The following AK5 variants were observed in gnomAD, a reference collection of about 807,000 sequenced individuals.
AK5 encodes adenylate kinase 5.
In AK5, 27 loss-of-function variants were observed where a neutral mutation model predicts 69.5. That is an observed-to-expected ratio of 0.39 (90% CI 0.29 to 0.54). The LOEUF (loss-of-function observed/expected upper bound fraction) is 0.54. Ranked by LOEUF, AK5 falls within the 20% of genes least tolerant of loss-of-function variation. AK5 has a pLI of 0.71. For missense variants in AK5, 531 were observed against 700.4 expected (o/e 0.76, Z 2.73); for synonymous variants, 260 against 244.4 (o/e 1.06, Z -0.60).
At chr1:77,408,926 C>T (rs1570520289) in intron 6 of AK5, among the ~76,000 whole-genome samples, 1 of 152,258 alleles carries the variant, frequency 6.6e-6, no homozygotes, top group East Asian at 1.9e-4. Context: ...TCTCCCCGCT[C>T]AAGTAAACCC....
At chr1:77,347,795 C>T (rs1380036388) in intron 6 of AK5, among the ~76,000 whole-genome samples, 14 of 152,262 alleles carry the variant, frequency 9.2e-5, no homozygotes, top group African/African-American at 3.4e-4. Context: ...AAGCAGATAC[C>T]ACATTTATAG....
intron 5 of AK5, 46 bp downstream of exon 5, chr1:77,297,993 A>C (rs1029700613): frequency 7.0e-7 from 1 of 1,421,708 alleles, no homozygotes; most frequent in Admixed American, 2.2e-5. Context: ...TTTTGCTTAA[A>C]ATTTTGGGAA....
intron 10 of AK5, among the ~76,000 whole-genome samples, chr1:77,499,533 G>T (rs574626355): frequency 1.3e-5 from 2 of 152,090 alleles, no homozygotes; most frequent in Admixed American, 6.6e-5. Flanking sequence ...GGCCAGTTGC[G>T]TATGACCCTG....
At position 77,410,974 on chromosome 1, in the gene AK5, C is replaced by G. The variant is rs749264167; in HGVS notation, c.892-7C>G. On this transcript the variant is annotated splice_polypyrimidine_tract_variant and splice_region_variant and intron_variant, in intron 6 of 13. Coordinates refer to ENST00000354567, the MANE Select transcript of AK5 (RefSeq NM_174858.3). The stretch of plus-strand genomic sequence containing the variant: ...ATTCCAAACTTGTCTGTCCTGATTT[C>G]CCCCAGTTTGATGCCGACCGCGATG... 1 of 1,611,954 alleles carries G rather than the reference C, an allele frequency of 6.2e-7. No individual in the cohort carries two copies. The highest frequency in any genetic ancestry group is 1.7e-5 in the Admixed American group (1 of 59,712).
intron 8 of AK5, among the ~76,000 whole-genome samples, chr1:77,456,117 A>G (rs974195833): frequency 1.3e-5 from 2 of 152,188 alleles, no homozygotes; most frequent in African/African-American, 4.8e-5. Context: ...CTCTAAGGCA[A>G]TGTCTGTTTG....
chr1:77,336,792 A>G (rs993987929), intron 5 of AK5, among the ~76,000 whole-genome samples: 1 of 152,126 alleles, frequency 6.6e-6, no homozygotes, highest in African/African-American at 2.4e-5. Flanking sequence ...TTGTCTGGGA[A>G]AGTCTTTATT....
intron 8 of AK5, among the ~76,000 whole-genome samples, chr1:77,472,507 T>C (rs1654576644): frequency 6.6e-6 from 1 of 151,818 alleles, no homozygotes; most frequent in South Asian, 2.1e-4. Context: ...ATACCCATAA[T>C]GCAAGGGAGG....
At chr1:77,368,245 A>ATATATATATATATATATGTTATATATAG (rs376578923) in intron 6 of AK5, among the ~76,000 whole-genome samples, 1 of 67,906 alleles carries the variant, frequency 1.5e-5, no homozygotes, top group Non-Finnish European at 2.9e-5. Flanking sequence ...ATATATATAT[A>ATATATATATATATATATGTTATATATAG]TATATATAAT....
intron 8 of AK5, among the ~76,000 whole-genome samples, chr1:77,469,898 G>A (rs1284936830): frequency 6.6e-6 from 1 of 152,208 alleles, no homozygotes; most frequent in Non-Finnish European, 1.5e-5. Flanking sequence ...TGGATGTGAG[G>A]ATCTACAAAG....
intron 6 of AK5, among the ~76,000 whole-genome samples, chr1:77,351,808 A>C (rs895523836): frequency 2.6e-5 from 4 of 152,220 alleles, no homozygotes; most frequent in African/African-American, 9.6e-5. Context: ...ATGTAGAAGA[A>C]GACAAAGGAG....
At chr1:77,552,953 C>T (rs1191444065) in intron 13 of AK5, among the ~76,000 whole-genome samples, 1 of 152,142 alleles carries the variant, frequency 6.6e-6, no homozygotes, top group African/African-American at 2.4e-5. Context: ...GGCAGGAGGA[C>T]TGCTTGAGCC....
chr1:77,374,161 G>C (rs973573404), intron 6 of AK5, among the ~76,000 whole-genome samples: 1 of 152,110 alleles, frequency 6.6e-6, no homozygotes, highest in African/African-American at 2.4e-5. Flanking sequence ...CAAAAACATA[G>C]AATTAAGTTT....
chr1:77,506,165 G>A (rs1440307036), intron 10 of AK5, among the ~76,000 whole-genome samples: 1 of 152,064 alleles, frequency 6.6e-6, no homozygotes, highest in Non-Finnish European at 1.5e-5. Context: ...TGATGAGCTG[G>A]GTCTGGAACA....
intron 8 of AK5, among the ~76,000 whole-genome samples, chr1:77,427,461 G>T (rs537019298): frequency 1.6e-4 from 25 of 152,054 alleles, no homozygotes; most frequent in Middle Eastern, 3.4e-3. Flanking sequence ...ATCTGAATAG[G>T]TATATATTAT....
intron 10 of AK5, among the ~76,000 whole-genome samples, chr1:77,511,983 C>T (rs1017867055): frequency 2.0e-5 from 3 of 152,118 alleles, no homozygotes; most frequent in Non-Finnish European, 2.9e-5. Flanking sequence ...ATCCAAATAA[C>T]GAACGCTCAG....
At chr1:77,556,087 T>G (rs777007392) in intron 13 of AK5, among the ~76,000 whole-genome samples, 2 of 152,244 alleles carry the variant, frequency 1.3e-5, no homozygotes, top group African/African-American at 4.8e-5. Context: ...TTAAAAAAAC[T>G]TATTTTTTCC....
chr1:77,367,581 T>TATATATATATATA (rs1646984956), intron 6 of AK5, among the ~76,000 whole-genome samples: 3 of 55,164 alleles, frequency 5.4e-5, no homozygotes, highest in Non-Finnish European at 9.7e-5. Context: ...ATATATATAA[T>TATATATATATATA]ATATATGTTA....
At chr1:77,330,515 A>G (rs538103423) in intron 5 of AK5, among the ~76,000 whole-genome samples, 1 of 152,284 alleles carries the variant, frequency 6.6e-6, no homozygotes, top group Admixed American at 6.5e-5. Flanking sequence ...TCCCTACTGC[A>G]TTGCAGAGCC....
chr1:77,426,221 A>T (rs1298426003), intron 8 of AK5, among the ~76,000 whole-genome samples: 1 of 152,216 alleles, frequency 6.6e-6, no homozygotes, highest in South Asian at 2.1e-4. Flanking sequence ...ACCCCACTAT[A>T]TGTTGTCTAC....
Sources: gnomAD v4.1 joint callset for allele counts (sites outside exome capture counted in the v4.1 genomes callset) on GRCh38, gnomAD v4.1.1 for gene constraint, MANE v1.5 for transcripts, NCBI Gene and HGNC (gene_info 2026-07-23, HGNC 2026-07-21) for gene names.